SLC6A19: variants seen among roughly 807,000 people sequenced by gnomAD.
SLC6A19 encodes solute carrier family 6 member 19, also known as sodium-dependent neutral amino acid transporter B(0)AT1.
SLC6A19 carries 67 observed loss-of-function variants against 68.3 expected under a neutral mutation model. The ratio of observed to expected loss-of-function variants is 0.98; its 90% CI spans 0.81 to 1.20. The LOEUF is 1.20. Ranked by LOEUF, SLC6A19 falls within the 50% of genes most tolerant of loss-of-function variation. SLC6A19 has a pLI of 0.00. For synonymous variants in SLC6A19, 392 were observed against 374.9 expected (o/e 1.05, Z -0.53); for missense variants, 813 against 851.6 (o/e 0.95, Z 0.56).
Position 1,217,259 on chromosome 5 carries a change from C to T in SLC6A19, c.1173+314C>T, listed in dbSNP as rs149918068. Among the ~76,000 whole-genome samples, 630 of 152,386 alleles carry T rather than the reference C, an allele frequency of 4.1e-3. 6 individuals carry two copies. The highest frequency in any genetic ancestry group is 3.7e-3 in the Non-Finnish European group (254 of 68,036). On this transcript the variant is annotated intron_variant, in intron 8 of 11. Transcript: ENST00000304460. ...ACACACACAAAACACCCCCTGGGGC[C>T]ATCTGTAACACGGTGACTTCTATCG...
intron 1 of SLC6A19, among the ~76,000 whole-genome samples, chr5:1,205,783 G>A (rs1438179291): frequency 6.6e-6 from 1 of 152,198 alleles, no homozygotes; most frequent in Admixed American, 6.5e-5. Flanking sequence ...TTGGAGGAGT[G>A]AATCTTTTCT....
intron 8 of SLC6A19, among the ~76,000 whole-genome samples, chr5:1,217,210 G>A (rs1035319389): frequency 2.6e-5 from 4 of 152,264 alleles, no homozygotes; most frequent in African/African-American, 9.6e-5. Flanking sequence ...AACACCACGG[G>A]CTGCCCCTCC....
At position 1,212,418 on chromosome 5, in the gene SLC6A19, G is replaced by T; in HGVS notation, c.597G>T (p.Leu199=). The T allele has an allele frequency of 6.2e-7, 1 of 1,612,624 alleles. No homozygotes were observed. ...DSGSIQWWML[L]CLACAWSVLY... is the part of the protein sequence containing the mutation. ...GCTCCATCCAGTGGTGGATGCTGCT[G>T]TGCCTGGCCTGCGCATGGAGCGTCC... The change falls in exon 4 of 12, where the codon CTG becomes CTT. Residue 199 remains leucine (L), a synonymous_variant. Transcript: ENST00000304460. This position sits in a 1 kb window ranked among gnomAD's most constrained non-coding sequence, Gnocchi z 5.1.
rs1474387594 is a variant in SLC6A19, at chr5:1,222,184, A to G, written c.*280A>G. On this transcript the variant is annotated 3_prime_UTR_variant, in exon 12 of 12. Coordinates refer to ENST00000304460, the MANE Select transcript of SLC6A19 (RefSeq NM_001003841.3). ...CATGTGCCATGTGTGCAGATGTGTC[A>G]TGTTGTGTGTGTGCATGTACATGTA... is the stretch of plus-strand genomic sequence containing the variant. 3.4e-6 allele frequency: 2 copies of G among 593,688 alleles called. No homozygotes were observed. The highest frequency in any genetic ancestry group is 5.5e-5 in the East Asian group (2 of 36,164). 36.8% of individuals were successfully genotyped at this position (593,688 alleles called of 1,614,324 possible). A position where few individuals can be genotyped will look rare whatever the true frequency, so the allele number is the denominator to read the frequency against.
At position 1,221,954 on chromosome 5, in the gene SLC6A19, C is replaced by A; in HGVS notation, c.*50C>A. On this transcript the variant is annotated 3_prime_UTR_variant, in exon 12 of 12. Coordinates refer to ENST00000304460, the MANE Select transcript of SLC6A19 (RefSeq NM_001003841.3). ...TACACTGGTGTCAGGGAAGGAGGAA[C>A]CAGCAAGACCTGTGGGGTGGGGGCC... The A allele has an allele frequency of 1.3e-6, 2 of 1,597,210 alleles. No individual in the cohort carries two copies. The highest frequency in any genetic ancestry group is 1.7e-6 in the Non-Finnish European group (2 of 1,168,930).
Position 1,216,681 on chromosome 5 carries a change from C to T in SLC6A19, c.1011C>T (p.Phe337=). The change falls in exon 7 of 12, where the codon TTC becomes TTT. Residue 337 remains phenylalanine, a synonymous_variant. Transcript: ENST00000304460. ...FRATQRYDDC[F]STNILTLING... ...CCACACAGCGCTACGACGACTGCTT[C>T]AGCACGTGAGTGGCTGTCCCACCAT... 1.2e-6 allele frequency: 2 copies of T among 1,613,872 alleles called. No individual in the cohort carries two copies. The highest frequency in any genetic ancestry group is 8.5e-7 in the Non-Finnish European group (1 of 1,180,036).
chr5:1,202,284 G>A (rs1355361692), intron 1 of SLC6A19, among the ~76,000 whole-genome samples: 1 of 152,220 alleles, frequency 6.6e-6, no homozygotes, highest in Non-Finnish European at 1.5e-5. Flanking sequence ...AGCTGGGTTG[G>A]GGGCAGGTGA....
rs1296206032 is a variant in SLC6A19 at position 1,212,033 on chromosome 5, T to C, written c.482-270T>C. Among the ~76,000 whole-genome samples, 3 of 149,362 alleles carry C rather than the reference T, an allele frequency of 2.0e-5. No homozygotes were observed. The South Asian group carries it at 6.4e-4, about 32-fold the overall frequency. ...GCATGTGTGCCTCTGTGCATGTGTG[T>C]GCTGTGTGTGTGTGTGCATGTGCAT... On this transcript the variant is annotated intron_variant, in intron 3 of 11. Transcript: ENST00000304460. The surrounding 1 kb of genome is among the most constrained non-coding windows in gnomAD (Gnocchi z 5.1).
chr5:1,222,571 C>T lies in SLC6A19; in HGVS notation c.*667C>T, dbSNP rs115725034. On this transcript the variant is annotated 3_prime_UTR_variant, in exon 12 of 12. Coordinates refer to ENST00000304460, the MANE Select transcript of SLC6A19 (RefSeq NM_001003841.3). ...TGTTGTGTATATGTGTGTGTCTGTA[C>T]CTGTTTGTGTATATGTGTGTGATGT... 1,131 of 351,272 alleles carry T rather than the reference C, an allele frequency of 3.2e-3. 15 individuals carry two copies. Among genetic ancestry groups the T allele is most frequent in the African/African-American group, 0.022 (1,057 of 47,616 alleles). 21.8% of individuals were successfully genotyped at this position (351,272 alleles called of 1,614,324 possible). A position where few individuals can be genotyped will look rare whatever the true frequency, so the allele number is the denominator to read the frequency against.
rs1175674537 is a variant in SLC6A19 at position 1,208,796 on chromosome 5, C to G, written c.253C>G (p.Leu85Val). 9 of 1,613,328 alleles carry G rather than the reference C, an allele frequency of 5.6e-6. No homozygotes were observed. Among genetic ancestry groups the G allele is most frequent in the Non-Finnish European group, 7.6e-6 (9 of 1,179,986 alleles). ...LILLVLEGIP[L>V]LYLEFAIGQR... Reference sequence around the variant, plus strand: ...CCTGCTGGTCCTGGAGGGCATCCCCCTGCTGTACCTGGAGTTCGCCATCGG... The same window carrying G: ...CCTGCTGGTCCTGGAGGGCATCCCCGTGCTGTACCTGGAGTTCGCCATCGG... Residue 85 changes from leucine (L) to valine (V), a missense_variant, in exon 2 of 12, where the codon CTG becomes GTG. Leu to Val is a conservative substitution (Grantham distance 32). Coordinates refer to ENST00000304460, the MANE Select transcript of SLC6A19 (RefSeq NM_001003841.3).
At chr5:1,208,455 CGCGTGAG>C (rs1561162737) in intron 1 of SLC6A19, among the ~76,000 whole-genome samples, 1 of 152,108 alleles carries the variant, frequency 6.6e-6, no homozygotes, top group African/African-American at 2.4e-5. Flanking sequence ...TTGGTCAGAG[CGCGTGAG>C]GCATGGACCA....
intron 8 of SLC6A19, among the ~76,000 whole-genome samples, chr5:1,218,688 G>A (rs1344452989): frequency 6.6e-6 from 1 of 152,230 alleles, no homozygotes; most frequent in Non-Finnish European, 1.5e-5. Flanking sequence ...GGCTCTGAGT[G>A]CCGCTTGGTG....
At chr5:1,213,600 C>T (rs374898421) in intron 5 of SLC6A19, 27 bp downstream of exon 5, 77 of 1,595,334 alleles carry the variant, frequency 4.8e-5, no homozygotes, top group Non-Finnish European at 5.0e-5. Context: ...GCCCTGGGCC[C>T]AGACCCCGGG....
intron 3 of SLC6A19, among the ~76,000 whole-genome samples, chr5:1,211,409 G>A (rs1283512770): frequency 6.6e-6 from 1 of 152,250 alleles, no homozygotes; most frequent in African/African-American, 2.4e-5. Flanking sequence ...GCAGGCAAGG[G>A]CCCCAGCCCG....
chr5:1,218,905 C>T lies in SLC6A19; in HGVS notation c.1176C>T (p.Ala392=), dbSNP rs767584404. ...TCDINAFLSE[A]VEGTGLAFIV... is the part of the protein sequence containing the mutation. ...GTGACTGTGTGTCATCCGTGCAGGC[C>T]GTGGAGGGCACAGGCCTGGCCTTCA... Residue 392 remains alanine, a splice_region_variant and synonymous_variant, in exon 9 of 12, where the codon GCC becomes GCT. Coordinates refer to ENST00000304460, the MANE Select transcript of SLC6A19 (RefSeq NM_001003841.3). 1.5e-5 allele frequency: 25 copies of T among 1,613,248 alleles called. No homozygotes were observed. Among genetic ancestry groups the T allele is most frequent in the South Asian group, 2.2e-5 (2 of 91,086 alleles).
intron 11 of SLC6A19, 61 bp from the exon 12 acceptor site, chr5:1,221,640 C>T: frequency 6.2e-7 from 1 of 1,600,492 alleles, no homozygotes; most frequent in East Asian, 2.2e-5. Context: ...GGGGCCTTTG[C>T]CTCAAAGTGA....
At chr5:1,207,837 G>C (rs1231869731) in intron 1 of SLC6A19, among the ~76,000 whole-genome samples, 1 of 152,174 alleles carries the variant, frequency 6.6e-6, no homozygotes, top group Non-Finnish European at 1.5e-5. Context: ...ATTTCACAAA[G>C]ATTAAATAGC....
chr5:1,207,756 G>A (rs1469246496), intron 1 of SLC6A19, among the ~76,000 whole-genome samples: 1 of 152,218 alleles, frequency 6.6e-6, no homozygotes, highest in Non-Finnish European at 1.5e-5. Flanking sequence ...TGAGTCACCT[G>A]TCTCCTGGCT....
intron 1 of SLC6A19, among the ~76,000 whole-genome samples, chr5:1,206,014 C>A (rs985788300): frequency 1.3e-5 from 2 of 152,234 alleles, no homozygotes; most frequent in African/African-American, 4.8e-5. Flanking sequence ...TCTGAAGGAA[C>A]CTGTCCCTGG....
Sources: gnomAD v4.1 joint callset for allele counts (sites outside exome capture counted in the v4.1 genomes callset) on GRCh38, gnomAD v4.1.1 for gene constraint, Gnocchi (gnomAD v3.1) non-coding constraint, MANE v1.5 for transcripts, NCBI Gene and HGNC (gene_info 2026-07-23, HGNC 2026-07-21) for gene names.